NXN: variants seen among roughly 807,000 people sequenced by gnomAD.
The protein encoded by NXN is nucleoredoxin, also known as nucleoredoxin 1.
A neutral mutation model predicts 48.6 loss-of-function variants in NXN; 16 were observed. The observed-to-expected ratio is 0.33, with a 90% confidence interval of 0.22 to 0.50. NXN has a LOEUF of 0.50. NXN is among the 20% of genes least tolerant of loss of function. NXN has a pLI of 0.98. For missense variants in NXN, 492 were observed against 605.5 expected, an observed-to-expected ratio of 0.81 and a Z score of 1.97; for synonymous variants, 281 against 269.6, an observed-to-expected ratio of 1.04 and a Z score of -0.41.
chr17:842,982 GAGAAAGAGAGAAAGAGAGAAAGAGAGAA>G (rs1340138383), intron 1 of NXN, among the ~76,000 whole-genome samples: 31 of 107,272 alleles, frequency 2.9e-4, no homozygotes, highest in African/African-American at 9.4e-4. Context: ...GAGAGAAAGA[GAGAAAGAGAGAAAGAGAGAAAGAGAGAA>G]AGAAAGAAAG....
At chr17:822,052 G>A (rs1295181889) in intron 4 of NXN, among the ~76,000 whole-genome samples, 1 of 152,058 alleles carries the variant, frequency 6.6e-6, no homozygotes, top group Non-Finnish European at 1.5e-5. Flanking sequence ...AGGCCAAGGT[G>A]GGCGCCTCAT....
chr17:922,516 C>T (rs1188428817), intron 1 of NXN, among the ~76,000 whole-genome samples: 3 of 152,132 alleles, frequency 2.0e-5, no homozygotes, highest in East Asian at 1.9e-4. Context: ...AAAATCTAAG[C>T]GTACATTCCA....
chr17:856,505 T>TTTTTTTG (rs1490959130), intron 1 of NXN, among the ~76,000 whole-genome samples: 6 of 138,408 alleles, frequency 4.3e-5, no homozygotes, highest in East Asian at 4.1e-4. Context: ...TTTTTTTTTT[T>TTTTTTTG]TTTGAGACTG....
intron 1 of NXN, among the ~76,000 whole-genome samples, chr17:960,610 C>G (rs1466772654): frequency 2.6e-5 from 1 of 38,744 alleles, no homozygotes; most frequent in South Asian, 5.8e-4. Context: ...TCCTGAGTAG[C>G]TGAACTACAG....
intron 1 of NXN, among the ~76,000 whole-genome samples, chr17:897,927 C>T (rs960751992): frequency 6.6e-6 from 1 of 152,228 alleles, no homozygotes; most frequent in Admixed American, 6.5e-5. Context: ...GTGATCCGCC[C>T]ACCTCGGCCT....
chr17:851,218 G>A (rs8066739), intron 1 of NXN, among the ~76,000 whole-genome samples: 24,403 of 152,218 alleles, frequency 0.16, 2,130 homozygotes, highest in Middle Eastern at 0.3. Flanking sequence ...ATGCGGTGGG[G>A]AGGCCGGGGC....
intron 1 of NXN, among the ~76,000 whole-genome samples, chr17:872,761 C>T (rs1247225406): frequency 6.6e-6 from 1 of 151,916 alleles, no homozygotes; most frequent in Admixed American, 6.6e-5. Context: ...GCTGGGATTA[C>T]AGGCGCCTGC....
At chr17:841,548 G>GCATCTCACACCC (rs2144712020) in intron 1 of NXN, among the ~76,000 whole-genome samples, 1 of 44,064 alleles carries the variant, frequency 2.3e-5, no homozygotes, top group South Asian at 6.3e-4. Flanking sequence ...ATCTCACGCC[G>GCATCTCACACCC]GCGAGCAGGT....
chr17:823,196 C>T (rs190526440), intron 3 of NXN, among the ~76,000 whole-genome samples: 15 of 151,840 alleles, frequency 9.9e-5, no homozygotes, highest in Non-Finnish European at 1.8e-4. Flanking sequence ...GTCAGGAGTT[C>T]GAGACCAGCC....
intron 1 of NXN, among the ~76,000 whole-genome samples, chr17:924,987 G>A (rs973413806): frequency 5.3e-5 from 8 of 152,226 alleles, no homozygotes; most frequent in East Asian, 1.9e-4. Context: ...GGAAGGAAAA[G>A]TAACTATTTG....
chr17:806,482 C>A (rs547512498), intron 5 of NXN, among the ~76,000 whole-genome samples: 6 of 152,192 alleles, frequency 3.9e-5, no homozygotes, highest in South Asian at 2.1e-4. Context: ...TTACCCCACT[C>A]CCCGCAGCCT....
intron 1 of NXN, among the ~76,000 whole-genome samples, chr17:918,067 G>C (rs2068706337): frequency 1.3e-5 from 2 of 152,202 alleles, no homozygotes; most frequent in Admixed American, 6.6e-5. Flanking sequence ...AAAGTTGTGT[G>C]TCTAAACCAG....
chr17:847,794 G>A (rs1304655334), intron 1 of NXN, among the ~76,000 whole-genome samples: 1 of 152,214 alleles, frequency 6.6e-6, no homozygotes, highest in Non-Finnish European at 1.5e-5. Flanking sequence ...AGAAGACAGG[G>A]TGGAAAAGAT....
chr17:976,333 A>G (rs1374923465), intron 1 of NXN, among the ~76,000 whole-genome samples: 2 of 152,186 alleles, frequency 1.3e-5, no homozygotes, highest in African/African-American at 4.8e-5. Context: ...AATACCACAC[A>G]GCATTTTCTT....
intron 1 of NXN, among the ~76,000 whole-genome samples, chr17:943,141 C>T (rs561065196): frequency 9.8e-5 from 15 of 152,336 alleles, no homozygotes; most frequent in Admixed American, 3.9e-4. Context: ...AAATAACCGT[C>T]GGTTTCTTAA....
rs533130476 is a variant in NXN, at chr17:879,006, A to T, written c.361-52928T>A. Among the ~76,000 whole-genome samples, 25 of 152,154 alleles carry T rather than the reference A, an allele frequency of 1.6e-4. No homozygotes were observed. In the South Asian group the frequency reaches 4.1e-3, roughly 25 times the overall value. On this transcript the variant is annotated intron_variant, in intron 1 of 7. Transcript: ENST00000336868. Reference sequence around the variant, plus strand: ...ATGGCGAAACCCTCTCTCTACTAAAAATACAAAAACTAGCCAGGTGTGGTG... The same window carrying T: ...ATGGCGAAACCCTCTCTCTACTAAATATACAAAAACTAGCCAGGTGTGGTG...
rs1022352848 is a variant in NXN, at chr17:932,928, G to T, written c.360+46391C>A. ...CTCCCTCAGTACTGGGATTCCAGGC[G>T]TGAGCCACCGCGCCCAGCCCAGCCC... On this transcript the variant is annotated intron_variant, in intron 1 of 7. Transcript: ENST00000336868. This position sits in a 1 kb window ranked among gnomAD's most constrained non-coding sequence, Gnocchi z 4.1. Among the ~76,000 whole-genome samples, 1 of 147,106 alleles carries T rather than the reference G, an allele frequency of 6.8e-6. No individual in the cohort carries two copies. The highest frequency in any genetic ancestry group is 1.5e-5 in the Non-Finnish European group (1 of 65,518).
chr17:805,020 T>TCCCCCCCCCCC, intron 6 of NXN, 48 bp downstream of exon 6: 5 of 1,512,876 alleles, frequency 3.3e-6, no homozygotes, highest in Non-Finnish European at 4.5e-6. Flanking sequence ...GCCCCTCCTG[T>TCCCCCCCCCCC]CCCGCCCCCC....
At position 957,903 on chromosome 17, in the gene NXN, G is replaced by A. The variant is rs573349540; in HGVS notation, c.360+21416C>T. Among the ~76,000 whole-genome samples the A allele has an allele frequency of 3.9e-5, 6 of 152,180 alleles. No individual in the cohort carries two copies. The South Asian group carries it at 1.0e-3, about 26-fold the overall frequency. On this transcript the variant is annotated intron_variant, in intron 1 of 7. Coordinates refer to ENST00000336868, the MANE Select transcript of NXN (RefSeq NM_022463.5). ...CTTCACACAGAAATCACACCTCCACGTCAGCATCGCCCAGAATGTATGTTC... is the reference window on the plus strand; with the variant it reads ...CTTCACACAGAAATCACACCTCCACATCAGCATCGCCCAGAATGTATGTTC...
Sources: allele counts gnomAD v4.1 joint callset (sites outside exome capture counted in the v4.1 genomes callset), GRCh38; gene constraint gnomAD v4.1.1; non-coding constraint Gnocchi (gnomAD v3.1); transcripts MANE v1.5; gene names NCBI Gene and HGNC (gene_info 2026-07-23, HGNC 2026-07-21).